The following JAZF1 variants were observed in gnomAD, a reference collection of about 807,000 sequenced individuals.
JAZF1 encodes the protein JAZF zinc finger 1.
A neutral mutation model predicts 26.4 loss-of-function variants in JAZF1; 8 were observed. The observed-to-expected ratio is 0.30, with a 90% confidence interval of 0.18 to 0.55. JAZF1 has a LOEUF of 0.55. JAZF1 is among the 20% of genes least tolerant of loss of function. The pLI is 0.94. For synonymous variants in JAZF1, 126 were observed against 122.3 expected, an observed-to-expected ratio of 1.03 and a Z score of -0.20; for missense variants, 199 against 322.0, an observed-to-expected ratio of 0.62 and a Z score of 2.92.
chr7:27,990,632 T>C (rs1167380716), intron 2 of JAZF1, among the ~76,000 whole-genome samples: 1 of 152,166 alleles, frequency 6.6e-6, no homozygotes, highest in Non-Finnish European at 1.5e-5. Context: ...TTCAATACCA[T>C]AATTAATCTA....
At chr7:28,118,790 ACAAC>A (rs1186858091) in intron 1 of JAZF1, among the ~76,000 whole-genome samples, 3 of 146,980 alleles carry the variant, frequency 2.0e-5, no homozygotes, top group African/African-American at 7.5e-5. Context: ...ACACACACAC[ACAAC>A]ACACACACAC....
intron 3 of JAZF1, among the ~76,000 whole-genome samples, chr7:27,892,997 C>T (rs1002726145): frequency 2.0e-5 from 3 of 152,180 alleles, no homozygotes; most frequent in Non-Finnish European, 4.4e-5. Flanking sequence ...TGGTTTATCT[C>T]CCATACCTAA....
At chr7:27,895,754 G>A (rs1583452356) in intron 2 of JAZF1, among the ~76,000 whole-genome samples, 1 of 152,180 alleles carries the variant, frequency 6.6e-6, no homozygotes, top group East Asian at 1.9e-4. Context: ...TCTACCCATA[G>A]GAAGCCCACA....
At chr7:28,091,296 CATGA>C (rs1400344842) in intron 1 of JAZF1, among the ~76,000 whole-genome samples, 4 of 152,016 alleles carry the variant, frequency 2.6e-5, no homozygotes, top group African/African-American at 9.6e-5. Flanking sequence ...TCCATATTTT[CATGA>C]ATATTTAATG....
chr7:28,002,862 C>T (rs550814376), intron 1 of JAZF1, among the ~76,000 whole-genome samples: 29 of 152,126 alleles, frequency 1.9e-4, no homozygotes, highest in African/African-American at 6.7e-4. Context: ...CAGGATAAGG[C>T]TTCAGGAAGC....
At chr7:27,859,568 AG>A (rs1044842043) in intron 3 of JAZF1, among the ~76,000 whole-genome samples, 21 of 152,368 alleles carry the variant, frequency 1.4e-4, no homozygotes, top group African/African-American at 5.1e-4. Context: ...TGTCCTTTGC[AG>A]GGACATGGAT....
chr7:28,108,779 T>C (rs952882777), intron 1 of JAZF1, among the ~76,000 whole-genome samples: 1 of 152,176 alleles, frequency 6.6e-6, no homozygotes, highest in African/African-American at 2.4e-5. Flanking sequence ...TTATTCTCAA[T>C]AGCTAAGCCA....
At chr7:28,028,635 T>C (rs1783132088) in intron 1 of JAZF1, among the ~76,000 whole-genome samples, 1 of 152,226 alleles carries the variant, frequency 6.6e-6, no homozygotes, top group Admixed American at 6.5e-5. Flanking sequence ...GAGTCAATTG[T>C]CACGAATAAG....
At chr7:27,874,751 T>C (rs1156822296) in intron 3 of JAZF1, among the ~76,000 whole-genome samples, 2 of 152,208 alleles carry the variant, frequency 1.3e-5, no homozygotes, top group East Asian at 1.9e-4. Flanking sequence ...AGCAGCCTGC[T>C]GGACAATGAT....
At chr7:28,130,427 T>C (rs1365058355) in intron 1 of JAZF1, among the ~76,000 whole-genome samples, 7 of 152,172 alleles carry the variant, frequency 4.6e-5, no homozygotes, top group African/African-American at 1.7e-4. Context: ...AATGCACTCA[T>C]CATAAACTGA....
intron 2 of JAZF1, among the ~76,000 whole-genome samples, chr7:27,972,260 C>T (rs533367702): frequency 3.3e-5 from 5 of 152,302 alleles, no homozygotes; most frequent in South Asian, 4.1e-4. Flanking sequence ...AGCCCTGCTG[C>T]GCAAGTGACA....
intron 1 of JAZF1, among the ~76,000 whole-genome samples, chr7:28,028,920 T>G (rs1451263426): frequency 6.6e-6 from 1 of 152,146 alleles, no homozygotes; most frequent in Non-Finnish European, 1.5e-5. Context: ...AATAATAATT[T>G]CACTTTTAGA....
Position 27,895,133 on chromosome 7 carries a change from C to G in JAZF1, c.385+87G>C. The G allele has an allele frequency of 7.4e-6, 6 of 810,322 alleles. No individual in the cohort carries two copies. The South Asian group carries it at 1.3e-4, about 18-fold the overall frequency. 50.2% of individuals were successfully genotyped at this position (810,322 alleles called of 1,614,324 possible). ...GTGGGTCTGTGTCGTCATCTGTCCC[C>G]AGCCCCTTTCTGCCCCCAGCACATC... On this transcript the variant is annotated intron_variant, in intron 3 of 4. Transcript: ENST00000283928.
At chr7:27,851,318 G>A (rs2128334193) in intron 3 of JAZF1, among the ~76,000 whole-genome samples, 1 of 152,280 alleles carries the variant, frequency 6.6e-6, no homozygotes, top group Middle Eastern at 3.4e-3. Flanking sequence ...ACAAAATCAT[G>A]CCAACTTTAC....
chr7:27,998,067 A>AAGGAAGGAAGGC (rs1562553960), intron 1 of JAZF1, among the ~76,000 whole-genome samples: 1 of 72,808 alleles, frequency 1.4e-5, no homozygotes, highest in East Asian at 2.1e-4. Context: ...GGAAGGAAGG[A>AAGGAAGGAAGGC]AGGAAGGCAG....
chr7:28,005,915 A>G (rs1782692783), intron 1 of JAZF1, among the ~76,000 whole-genome samples: 1 of 150,880 alleles, frequency 6.6e-6, no homozygotes, highest in Middle Eastern at 3.2e-3. Context: ...AAATTTCTTT[A>G]GACAATGTAA....
At chr7:27,836,912 T>G (rs1782823749) in intron 4 of JAZF1, among the ~76,000 whole-genome samples, 1 of 152,156 alleles carries the variant, frequency 6.6e-6, no homozygotes, top group African/African-American at 2.4e-5. Flanking sequence ...ACACTATCAC[T>G]GTTAATATTT....
intron 1 of JAZF1, among the ~76,000 whole-genome samples, chr7:28,103,955 G>A (rs948961894): frequency 3.9e-5 from 6 of 152,078 alleles, no homozygotes; most frequent in East Asian, 1.9e-4. Flanking sequence ...CCTCAAAAGC[G>A]CAAACTGGCC....
intron 1 of JAZF1, among the ~76,000 whole-genome samples, chr7:28,123,987 C>T (rs143035394): frequency 3.3e-5 from 5 of 152,288 alleles, no homozygotes; most frequent in East Asian, 3.9e-4. Flanking sequence ...GAACAGGAGA[C>T]GCAACGTGCC....
Sources: gnomAD v4.1 joint callset for allele counts (sites outside exome capture counted in the v4.1 genomes callset) on GRCh38, gnomAD v4.1.1 for gene constraint, MANE v1.5 for transcripts, NCBI Gene and HGNC (gene_info 2026-07-23, HGNC 2026-07-21) for gene names.